ANGPT2: variants seen among roughly 807,000 people sequenced by gnomAD.
ANGPT2 encodes the protein angiopoietin-2.
A neutral mutation model predicts 62.9 loss-of-function variants in ANGPT2; 28 were observed. The ratio of observed to expected loss-of-function variants is 0.44; its 90% confidence interval spans 0.33 to 0.61. The LOEUF (loss-of-function observed/expected upper bound fraction) is 0.61. Among genes scored for constraint, ANGPT2 ranks in the 20% least tolerant of loss-of-function variants. The pLI, the probability that ANGPT2 is intolerant of heterozygous loss-of-function variation, is 0.03. For synonymous variants in ANGPT2, 284 were observed against 207.8 expected, an observed-to-expected ratio of 1.37 and a Z score of -3.15; for missense variants, 727 against 594.9, an observed-to-expected ratio of 1.22 and a Z score of -2.31.
At chr8:6,549,241 G>A (rs1823154416) in intron 1 of ANGPT2, among the ~76,000 whole-genome samples, 1 of 152,206 alleles carries the variant, frequency 6.6e-6, no homozygotes, top group South Asian at 2.1e-4. Flanking sequence ...CCATGGGTAC[G>A]TAAATTGTGT....
intron 7 of ANGPT2, among the ~76,000 whole-genome samples, chr8:6,513,256 T>G (rs901870798): frequency 1.3e-5 from 2 of 152,216 alleles, no homozygotes; most frequent in African/African-American, 4.8e-5. Flanking sequence ...AGTTTAGATC[T>G]TGGTTAAATC....
chr8:6,544,614 G>T (rs527599343), intron 1 of ANGPT2, among the ~76,000 whole-genome samples: 3 of 152,094 alleles, frequency 2.0e-5, no homozygotes, highest in Non-Finnish European at 4.4e-5. Flanking sequence ...AGTAAGAACC[G>T]ACATGCACAA....
chr8:6,534,887 G>A (rs1417945786), intron 1 of ANGPT2, among the ~76,000 whole-genome samples: 2 of 152,102 alleles, frequency 1.3e-5, no homozygotes, highest in South Asian at 2.1e-4. Flanking sequence ...ATAGCAGTTC[G>A]TAATTCTCCC....
intron 1 of ANGPT2, among the ~76,000 whole-genome samples, chr8:6,549,604 T>C (rs2515494): frequency 0.99 from 148,666 of 150,450 alleles, 73,448 homozygotes; most frequent in Non-Finnish European, 1. Flanking sequence ...GCATCTTGAG[T>C]TGGGCGGTCG....
At chr8:6,510,406 T>C (rs985106669) in intron 7 of ANGPT2, among the ~76,000 whole-genome samples, 13 of 152,344 alleles carry the variant, frequency 8.5e-5, no homozygotes, top group African/African-American at 1.9e-4. Flanking sequence ...CCCTTCTTTG[T>C]AAAACCTGCT....
intron 5 of ANGPT2, 100 bp from the exon 6 acceptor site, chr8:6,514,878 C>T (rs529168473): frequency 5.6e-5 from 53 of 946,032 alleles, no homozygotes; most frequent in South Asian, 4.9e-4. Flanking sequence ...AGGACTCAGC[C>T]GAGAGGGTTC....
chr8:6,503,307 G>A (rs371319484), intron 8 of ANGPT2, 46 bp from the exon 9 acceptor site: 1 of 1,606,442 alleles, frequency 6.2e-7, no homozygotes, highest in Non-Finnish European at 8.5e-7. Context: ...GGTGATGCCA[G>A]CTCCCACCAC....
Position 6,509,028 on chromosome 8 carries a change from T to C in ANGPT2, c.1231A>G (p.Lys411Glu). ...CCTGGTTGGCTGATGCTGCTTATTT[T>C]GCCGGCTGTCCCTGTAAGTCCTTTA... is the stretch of plus-strand genomic sequence containing the variant. Reference protein sequence around the residue: ...HLKGLTGTAGKISSISQPGND... With the variant: ...HLKGLTGTAGEISSISQPGND... The change falls in exon 8 of 9, where the codon AAA becomes GAA. Residue 411 changes from lysine to glutamate, a missense_variant. Physicochemically the swap from Lys to Glu is moderately conservative, Grantham distance 56. Coordinates refer to ENST00000629816, the MANE Select transcript of ANGPT2 (RefSeq NM_001118887.2). 1.9e-6 allele frequency: 3 copies of C among 1,614,200 alleles called. No homozygotes were observed. Among genetic ancestry groups the C allele is most frequent in the Non-Finnish European group, 2.5e-6 (3 of 1,180,030 alleles).
At chr8:6,505,503 G>A (rs1563307533) in intron 8 of ANGPT2, among the ~76,000 whole-genome samples, 97 of 3,994 alleles carry the variant, frequency 0.024, 3 homozygotes, top group African/African-American at 0.038. Context: ...CTTTATATAT[G>A]TATATATAGA....
intron 7 of ANGPT2, among the ~76,000 whole-genome samples, chr8:6,513,312 AT>A (rs36045217): frequency 0.01 from 1,532 of 146,680 alleles, 28 homozygotes; most frequent in African/African-American, 0.035. Context: ...AAACCTTTTA[AT>A]TTTTTTTTTC....
chr8:6,535,530 C>T (rs1820322610), intron 1 of ANGPT2, among the ~76,000 whole-genome samples: 1 of 152,102 alleles, frequency 6.6e-6, no homozygotes, highest in Non-Finnish European at 1.5e-5. Context: ...GTTAATCTTA[C>T]ATAAAAGCAG....
At chr8:6,540,351 C>G (rs1028826784) in intron 1 of ANGPT2, among the ~76,000 whole-genome samples, 1 of 152,166 alleles carries the variant, frequency 6.6e-6, no homozygotes, top group East Asian at 1.9e-4. Flanking sequence ...TCATCAATAG[C>G]AGGCATTTTA....
intron 1 of ANGPT2, among the ~76,000 whole-genome samples, chr8:6,561,696 C>A (rs945514385): frequency 7.9e-5 from 12 of 152,196 alleles, no homozygotes; most frequent in Admixed American, 7.9e-4. Flanking sequence ...TTTGTTTAAA[C>A]TTCCTTTAGA....
At chr8:6,508,586 T>G (rs892850613) in intron 8 of ANGPT2, 32 of 441,358 alleles carry the variant, frequency 7.3e-5, no homozygotes, top group Non-Finnish European at 1.2e-4. Flanking sequence ...CTTGGAATTT[T>G]TAACTTTTTA....
intron 2 of ANGPT2, 103 bp downstream of exon 2, chr8:6,532,229 G>A (rs955481098): frequency 1.5e-6 from 2 of 1,325,320 alleles, no homozygotes; most frequent in Non-Finnish European, 2.1e-6. Context: ...CTGTGGTGGT[G>A]CTTTCTTTAG....
intron 3 of ANGPT2, among the ~76,000 whole-genome samples, chr8:6,521,614 G>A (rs117411847): frequency 2.9e-3 from 436 of 152,302 alleles, no homozygotes; most frequent in Middle Eastern, 6.8e-3. Context: ...AAACGTATAA[G>A]CATATATGTA....
At chr8:6,528,604 G>A (rs1818831090) in intron 2 of ANGPT2, among the ~76,000 whole-genome samples, 1 of 152,236 alleles carries the variant, frequency 6.6e-6, no homozygotes, top group South Asian at 2.1e-4. Flanking sequence ...GGGCCTTTGT[G>A]AGCTACTGCG....
chr8:6,543,268 C>T (rs1000789009), intron 1 of ANGPT2, among the ~76,000 whole-genome samples: 2 of 152,218 alleles, frequency 1.3e-5, no homozygotes, highest in Admixed American at 6.5e-5. Flanking sequence ...AAGCCATCTT[C>T]TGTACATGAA....
At chr8:6,519,305 G>A (rs1465224380) in intron 5 of ANGPT2, among the ~76,000 whole-genome samples, 3 of 152,116 alleles carry the variant, frequency 2.0e-5, no homozygotes, top group African/African-American at 4.8e-5. Context: ...CTGTGTTAGC[G>A]TTTGCTCAGA....
Sources: gnomAD v4.1 joint callset for allele counts (sites outside exome capture counted in the v4.1 genomes callset) on GRCh38, gnomAD v4.1.1 for gene constraint, MANE v1.5 for transcripts, NCBI Gene and HGNC (gene_info 2026-07-23, HGNC 2026-07-21) for gene names.